Variants in OCIAD1 observed in about 807,000 individuals in gnomAD.
OCIAD1 encodes the protein OCIA domain-containing protein 1.
A neutral mutation model predicts 38.9 loss-of-function variants in OCIAD1; 29 were observed. The ratio of observed to expected loss-of-function variants is 0.74; its 90% CI spans 0.55 to 1.02. The LOEUF is 1.02. Ranked by LOEUF, OCIAD1 falls within the 50% of genes least tolerant of loss-of-function variation. The pLI, the probability that OCIAD1 is intolerant of heterozygous loss-of-function variation, is 0.00. For synonymous variants in OCIAD1, 110 were observed against 92.0 expected, an observed-to-expected ratio of 1.20 and a Z score of -1.12; for missense variants, 288 against 289.6, an observed-to-expected ratio of 0.99 and a Z score of 0.04.
intron 3 of OCIAD1, among the ~76,000 whole-genome samples, chr4:48,834,125 A>G (rs1404647269): frequency 6.6e-6 from 1 of 152,192 alleles, no homozygotes; most frequent in Non-Finnish European, 1.5e-5. Flanking sequence ...CTTTACTTGG[A>G]AACTGTAGTC....
intron 2 of OCIAD1, 153 bp downstream of exon 2, chr4:48,832,835 A>C (rs1446149510): frequency 5.8e-5 from 38 of 649,984 alleles, no homozygotes; most frequent in Non-Finnish European, 1.4e-5. Context: ...TTATCTTGAA[A>C]TTCATAATCA....
intron 8 of OCIAD1, 148 bp downstream of exon 8, chr4:48,857,513 C>T (rs928729688): frequency 9.1e-6 from 4 of 439,000 alleles, no homozygotes; most frequent in Non-Finnish European, 1.5e-5. Flanking sequence ...TAGTACTTTA[C>T]AGTTATCAGT....
intron 1 of OCIAD1, among the ~76,000 whole-genome samples, chr4:48,812,932 T>C (rs1413851011): frequency 1.3e-5 from 2 of 152,170 alleles, no homozygotes; most frequent in African/African-American, 2.4e-5. Context: ...GGTGGGTACC[T>C]TGAGTAGGTG....
intron 4 of OCIAD1, among the ~76,000 whole-genome samples, chr4:48,845,083 C>T (rs1778863907): frequency 6.8e-6 from 1 of 147,530 alleles, no homozygotes. Context: ...GATGTTCCTT[C>T]TGTTTCTTCC....
chr4:48,851,451 G>A (rs926952709), intron 6 of OCIAD1, among the ~76,000 whole-genome samples: 7 of 152,202 alleles, frequency 4.6e-5, no homozygotes, highest in Admixed American at 1.3e-4. Context: ...ACTTTGGGAA[G>A]CTGAGGCAGG....
chr4:48,852,125 A>G (rs1779538584), intron 7 of OCIAD1, 150 bp downstream of exon 7: 2 of 582,744 alleles, frequency 3.4e-6, no homozygotes, highest in Non-Finnish European at 5.8e-6. Context: ...TTGTTTCTTC[A>G]TTCATTCAAC....
upstream of OCIAD1, among the ~76,000 whole-genome samples, chr4:48,826,539 C>T (rs1777253041): frequency 6.6e-6 from 1 of 152,100 alleles, no homozygotes; most frequent in African/African-American, 2.4e-5. Context: ...CAATTCTTCT[C>T]TTTAGTGGTT....
intron 1 of OCIAD1, among the ~76,000 whole-genome samples, chr4:48,824,797 G>A (rs555723225): frequency 2.0e-5 from 3 of 152,208 alleles, no homozygotes; most frequent in South Asian, 4.1e-4. Flanking sequence ...GTGCAGTGGC[G>A]CAATCATAGC....
chr4:48,818,726 A>T (rs1236032459), intron 1 of OCIAD1, among the ~76,000 whole-genome samples: 1 of 152,202 alleles, frequency 6.6e-6, no homozygotes, highest in Non-Finnish European at 1.5e-5. Flanking sequence ...AGAGAGGAAC[A>T]TAAATGACCT....
intron 8 of OCIAD1, 82 bp downstream of exon 8, chr4:48,857,447 A>G (rs1780149662): frequency 6.3e-6 from 5 of 791,192 alleles, no homozygotes; most frequent in Non-Finnish European, 7.3e-6. Context: ...ATAAAAAATT[A>G]ATTAATATGT....
chr4:48,850,156 C>T, intron 6 of OCIAD1, 74 bp downstream of exon 6: 2 of 1,483,490 alleles, frequency 1.3e-6, no homozygotes, highest in South Asian at 1.2e-5. Flanking sequence ...TAACTCATGG[C>T]TCAAAAACAT....
intron 8 of OCIAD1, among the ~76,000 whole-genome samples, chr4:48,860,424 T>G (rs1212849332): frequency 6.6e-6 from 1 of 152,070 alleles, no homozygotes; most frequent in Non-Finnish European, 1.5e-5. Flanking sequence ...ATCTCAGTTC[T>G]TGTTAGGGCT....
chr4:48,810,894 C>CT (rs869120091), intron 1 of OCIAD1, among the ~76,000 whole-genome samples: 2,665 of 64,186 alleles, frequency 0.042, 62 homozygotes, highest in African/African-American at 0.12. Context: ...TTCTTTCTTT[C>CT]TTTTTTTTTT....
upstream of OCIAD1, among the ~76,000 whole-genome samples, chr4:48,826,201 G>A (rs1237273964): frequency 6.6e-6 from 1 of 151,622 alleles, no homozygotes; most frequent in Non-Finnish European, 1.5e-5. Flanking sequence ...TGTGAACAAC[G>A]TGCAGGTTTG....
intron 7 of OCIAD1, among the ~76,000 whole-genome samples, chr4:48,855,357 T>G (rs1488864786): frequency 2.0e-5 from 3 of 152,214 alleles, no homozygotes; most frequent in Non-Finnish European, 2.9e-5. Context: ...AAATGCAAAG[T>G]GTTTTAATCC....
rs75748818 is a variant in OCIAD1 at position 48,847,358 on chromosome 4, T to C, written c.194-1041T>C. ...CTTTGGAATTGAGTCTTTTGTCAGA[T>C]ATAGATATGGTGATTATTTTTTCCC... On this transcript the variant is annotated intron_variant, in intron 4 of 8. Transcript: ENST00000264312. 2.3e-4 allele frequency among the ~76,000 whole-genome samples: 35 copies of C among 152,302 alleles called. No individual in the cohort carries two copies. In the East Asian group the frequency reaches 6.6e-3, roughly 29 times the overall value.
chr4:48,813,428 T>C lies in OCIAD1; in HGVS notation c.-103+8098T>C, dbSNP rs1270885148. Among the ~76,000 whole-genome samples, 6 of 152,034 alleles carry C rather than the reference T, an allele frequency of 3.9e-5. 1 individual carries two copies. The East Asian group carries it at 9.7e-4, about 25-fold the overall frequency. On this transcript the variant is annotated intron_variant, in intron 1 of 6. Transcript: ENST00000504654. Reference sequence around the variant, plus strand: ...CAGCTCCTTGGGAGGCGGAGGTGAGTGGATCGCCTGAACTCAAGAGTTTGA... The same window carrying C: ...CAGCTCCTTGGGAGGCGGAGGTGAGCGGATCGCCTGAACTCAAGAGTTTGA...
chr4:48,848,410 A>G lies in OCIAD1; in HGVS notation c.205A>G (p.Ser69Gly). The G allele has an allele frequency of 1.3e-6, 2 of 1,496,134 alleles. No homozygotes were observed. Among genetic ancestry groups the G allele is most frequent in the Non-Finnish European group, 1.9e-6 (2 of 1,076,894 alleles). 92.7% of individuals were successfully genotyped at this position (1,496,134 alleles called of 1,614,324 possible). ...ACTCTTTTCTTTAGGAATACTTTCA[A>G]GTCATCCCAAATATGGTTCCATCCC... The part of the protein sequence containing the change: ...QGLISKGILS[S>G]HPKYGSIPKL... Residue 69 changes from serine (S) to glycine (G), a missense_variant, in exon 5 of 9, where the codon AGT becomes GGT. Coordinates refer to ENST00000264312, the MANE Select transcript of OCIAD1 (RefSeq NM_017830.4).
rs111788413 is a variant in OCIAD1, at chr4:48,853,019, G to A, written c.547+1044G>A. ...CTCAGTCTCCTGAGTAGCTGGGACT[G>A]CAGGTGCCCGCCACCACGCTCGGCT... On this transcript the variant is annotated intron_variant, in intron 7 of 8. Transcript: ENST00000264312. Among the ~76,000 whole-genome samples, 990 of 151,478 alleles carry A rather than the reference G, an allele frequency of 6.5e-3. 14 individuals are homozygous for A. The highest frequency in any genetic ancestry group is 0.023 in the African/African-American group (950 of 41,266).
Sources: allele counts gnomAD v4.1 joint callset (sites outside exome capture counted in the v4.1 genomes callset), GRCh38; gene constraint gnomAD v4.1.1; transcripts MANE v1.5; gene names NCBI Gene and HGNC (gene_info 2026-07-23, HGNC 2026-07-21).